ROBO2: variants seen among roughly 807,000 people sequenced by gnomAD.
ROBO2 encodes roundabout homolog 2.
ROBO2 carries 53 observed loss-of-function variants against 160.8 expected under a neutral mutation model. The observed-to-expected ratio is 0.33, with a 90% CI of 0.26 to 0.41. The LOEUF is 0.41. Ranked by LOEUF, ROBO2 falls within the 10% of genes least tolerant of loss-of-function variation. The probability of loss-of-function intolerance (pLI) is 1.00; values close to 1 mark genes in which losing one functional copy is unlikely to be tolerated. For missense variants in ROBO2, 1,577 were observed against 1,722.4 expected, an observed-to-expected ratio of 0.92 and a Z score of 1.49; for synonymous variants, 664 against 611.7, an observed-to-expected ratio of 1.09 and a Z score of -1.26.
chr3:76,179,969 T>TA (rs770005685), intron 2 of ROBO2, among the ~76,000 whole-genome samples: 11 of 152,162 alleles, frequency 7.2e-5, no homozygotes, highest in Admixed American at 2.0e-4. Flanking sequence ...TTAGCTATGA[T>TA]AAAAATGCTT....
At chr3:76,136,698 C>T (rs962881400) in intron 2 of ROBO2, among the ~76,000 whole-genome samples, 10 of 151,628 alleles carry the variant, frequency 6.6e-5, no homozygotes, top group African/African-American at 1.9e-4. Context: ...AAATATAGAC[C>T]ACTAATATGA....
At chr3:77,121,367 C>T (rs2074748794) in intron 2 of ROBO2, among the ~76,000 whole-genome samples, 1 of 152,074 alleles carries the variant, frequency 6.6e-6, no homozygotes, top group South Asian at 2.1e-4. Context: ...CATGTAAGTC[C>T]TTCATTGGTT....
At chr3:77,136,576 G>T (rs1579296427) in intron 2 of ROBO2, among the ~76,000 whole-genome samples, 1 of 138,168 alleles carries the variant, frequency 7.2e-6, no homozygotes, top group African/African-American at 2.7e-5. Flanking sequence ...TTGGGCTCAA[G>T]TAATCCTCCA....
intron 2 of ROBO2, among the ~76,000 whole-genome samples, chr3:76,388,955 G>C (rs2077024080): frequency 6.6e-6 from 1 of 151,690 alleles, no homozygotes; most frequent in South Asian, 2.1e-4. Context: ...TTTAATTTTT[G>C]AATAACAGTA....
chr3:75,977,841 T>C (rs1318001089), intron 2 of ROBO2, among the ~76,000 whole-genome samples: 1 of 151,538 alleles, frequency 6.6e-6, no homozygotes, highest in Non-Finnish European at 1.5e-5. Context: ...TGGGTAAAAA[T>C]GAGACATTCT....
At chr3:76,507,038 CAATTT>C (rs1012299468) in intron 2 of ROBO2, among the ~76,000 whole-genome samples, 5 of 152,060 alleles carry the variant, frequency 3.3e-5, no homozygotes, top group African/African-American at 1.2e-4. Context: ...TCAATTGTAA[CAATTT>C]AATAATGTTG....
chr3:77,092,112 A>C (rs1423329458), intron 1 of ROBO2: 1 of 152,094 alleles, frequency 6.6e-6, no homozygotes, highest in Non-Finnish European at 1.5e-5. Context: ...GAAGATTAGC[A>C]TGGTCCCTGG....
At chr3:76,211,551 T>C (rs542630823) in intron 2 of ROBO2, among the ~76,000 whole-genome samples, 2 of 152,224 alleles carry the variant, frequency 1.3e-5, no homozygotes, top group South Asian at 4.1e-4. Flanking sequence ...GAGAAACATG[T>C]TCATTTTAGA....
intron 2 of ROBO2, among the ~76,000 whole-genome samples, chr3:76,747,796 T>A (rs1375796590): frequency 6.6e-6 from 1 of 151,970 alleles, no homozygotes; most frequent in Non-Finnish European, 1.5e-5. Flanking sequence ...TGTATGTATT[T>A]AAAAAAATAG....
At chr3:76,787,452 T>A (rs2063066212) in intron 2 of ROBO2, among the ~76,000 whole-genome samples, 1 of 151,188 alleles carries the variant, frequency 6.6e-6, no homozygotes, top group South Asian at 2.1e-4. Flanking sequence ...GTATTACTTA[T>A]TCTCACTAGA....
At chr3:76,025,771 G>A (rs879721977) in intron 2 of ROBO2, among the ~76,000 whole-genome samples, 1 of 151,754 alleles carries the variant, frequency 6.6e-6, no homozygotes, top group Admixed American at 6.6e-5. Context: ...TCCATGCTCT[G>A]TAATGTCTGG....
chr3:77,596,559 G>T (rs2094308028), intron 18 of ROBO2, 64 bp from the exon 20 acceptor site: 2 of 1,597,520 alleles, frequency 1.3e-6, no homozygotes, highest in South Asian at 2.2e-5. Context: ...TATATTGCAT[G>T]AGACGAGTGT....
At chr3:76,020,591 C>G (rs546452145) in intron 2 of ROBO2, among the ~76,000 whole-genome samples, 1 of 151,718 alleles carries the variant, frequency 6.6e-6, no homozygotes, top group Non-Finnish European at 1.5e-5. Flanking sequence ...AACATAGGGA[C>G]CTTAGAATTA....
chr3:76,728,910 GT>G (rs11298795), intron 2 of ROBO2, among the ~76,000 whole-genome samples: 129,027 of 151,574 alleles, frequency 0.85, 55,106 homozygotes, highest in African/African-American at 0.9. Context: ...ACCATAAGTT[GT>G]TTTTTTTTTA....
exon 3 of ROBO2, chr3:77,477,456 T>C (rs748599520): frequency 3.1e-6 from 5 of 1,613,970 alleles, no homozygotes; most frequent in East Asian, 2.2e-5. Context: ...GATGTTGTAG[T>C]GGCAGCTGGA....
chr3:76,980,399 G>T (rs1241728821), intron 2 of ROBO2, among the ~76,000 whole-genome samples: 1 of 152,118 alleles, frequency 6.6e-6, no homozygotes, highest in South Asian at 2.1e-4. Context: ...TTGACAGGGG[G>T]CAGCTGGAGG....
At chr3:77,149,775 T>C (rs1011729456) in intron 2 of ROBO2, among the ~76,000 whole-genome samples, 1 of 149,636 alleles carries the variant, frequency 6.7e-6, no homozygotes, top group Non-Finnish European at 1.5e-5. Flanking sequence ...ATTTTGGTGA[T>C]TAGGCCTTAT....
chr3:77,191,214 C>G (rs1376617870), intron 2 of ROBO2, among the ~76,000 whole-genome samples: 1 of 152,052 alleles, frequency 6.6e-6, no homozygotes, highest in East Asian at 1.9e-4. Flanking sequence ...CATTTTGCTT[C>G]GAGTATATTA....
At chr3:77,008,457 A>C (rs115234485) in intron 2 of ROBO2, among the ~76,000 whole-genome samples, 89 of 152,278 alleles carry the variant, frequency 5.8e-4, no homozygotes, top group African/African-American at 2.1e-3. Context: ...AAAGTGGTAA[A>C]ATGTACATCG....
Sources: gnomAD v4.1 joint callset for allele counts (sites outside exome capture counted in the v4.1 genomes callset) on GRCh38, gnomAD v4.1.1 for gene constraint, MANE v1.5 for transcripts, NCBI Gene and HGNC (gene_info 2026-07-23, HGNC 2026-07-21) for gene names.